Variants in LARP1B observed in about 807,000 individuals in gnomAD.
LARP1B encodes the protein La ribonucleoprotein 1B.
In LARP1B, 76 loss-of-function variants were observed where a neutral mutation model predicts 114.2. The observed-to-expected ratio is 0.67, with a 90% CI of 0.55 to 0.81. The LOEUF (loss-of-function observed/expected upper bound fraction) is 0.81. LARP1B is among the 30% of genes least tolerant of loss of function. The pLI is 0.00. For missense variants in LARP1B, 1,014 were observed against 1,075.8 expected, an observed-to-expected ratio of 0.94 and a Z score of 0.80; for synonymous variants, 345 against 348.0, an observed-to-expected ratio of 0.99 and a Z score of 0.10.
chr4:128,195,663 A>G lies in LARP1B; in HGVS notation c.2004-3776A>G, dbSNP rs182722022. 3.3e-4 allele frequency among the ~76,000 whole-genome samples: 50 copies of G among 152,316 alleles called. No individual in the cohort carries two copies. The East Asian group carries it at 5.4e-3, about 16-fold the overall frequency. ...ACATGAATGAAACTACTGATTCCAT[A>G]TAGAGACAGGGAAGTTTATAGCTGT... is the stretch of plus-strand genomic sequence containing the variant. On this transcript the variant is annotated intron_variant, in intron 15 of 19. Transcript: ENST00000326639.
intron 1 of LARP1B, among the ~76,000 whole-genome samples, chr4:128,072,297 G>A (rs539094621): frequency 3.2e-4 from 48 of 152,130 alleles, no homozygotes; most frequent in African/African-American, 1.1e-3. Flanking sequence ...CACTGTGCCC[G>A]GCCTAAGAGT....
intron 10 of LARP1B, among the ~76,000 whole-genome samples, chr4:128,116,175 A>G (rs1177766734): frequency 6.6e-6 from 1 of 152,192 alleles, no homozygotes; most frequent in Admixed American, 6.5e-5. Flanking sequence ...ACTGCTCTGC[A>G]TTTTTCACTG....
At chr4:128,157,734 T>C (rs981756297) in intron 11 of LARP1B, among the ~76,000 whole-genome samples, 2 of 152,180 alleles carry the variant, frequency 1.3e-5, no homozygotes, top group African/African-American at 4.8e-5. Flanking sequence ...AAGTGAATTG[T>C]ACGCTTAAAT....
At position 128,085,662 on chromosome 4, in the gene LARP1B, TTA is replaced by T. The variant is rs1773197966; in HGVS notation, c.358+3358_358+3359del. Among the ~76,000 whole-genome samples the T allele has an allele frequency of 1.7e-4, 26 of 152,284 alleles. 1 individual carries two copies. In the South Asian group the frequency reaches 4.8e-3, roughly 28 times the overall value. On this transcript the variant is annotated intron_variant, in intron 5 of 19. Coordinates refer to ENST00000326639, the MANE Select transcript of LARP1B (RefSeq NM_018078.4). ...GGATTACAAGCATGAGCCACCGCAC[TTA>T]GCTTCTCCCTCTTTATTGCCAAATA...
rs145079736 is a variant in LARP1B at position 128,102,437 on chromosome 4, C to T, written c.813+4107C>T. ...ATTGTTAGTCTTAAACGATGTCGTT[C>T]TGTTGATAACTCCTTTATCTTCATG... On this transcript the variant is annotated intron_variant, in intron 8 of 19. Transcript: ENST00000326639. Among the ~76,000 whole-genome samples the T allele has an allele frequency of 5.9e-5, 9 of 152,326 alleles. No individual in the cohort carries two copies. The East Asian group carries it at 1.7e-3, about 29-fold the overall frequency.
chr4:128,142,453 G>T (rs553950027), intron 11 of LARP1B, among the ~76,000 whole-genome samples: 1 of 152,066 alleles, frequency 6.6e-6, no homozygotes, highest in South Asian at 2.1e-4. Context: ...ACAGTCTGTG[G>T]AGTTCTTCCA....
intron 15 of LARP1B, among the ~76,000 whole-genome samples, chr4:128,184,467 G>T (rs1908451): frequency 0.56 from 85,703 of 151,944 alleles, 25,492 homozygotes; most frequent in Middle Eastern, 0.79. Context: ...TATTTTGGGG[G>T]TGCATGTGAT....
downstream of LARP1B, among the ~76,000 whole-genome samples, chr4:128,213,954 C>T (rs1046398223): frequency 6.9e-4 from 105 of 151,510 alleles, no homozygotes; most frequent in African/African-American, 2.5e-3. Flanking sequence ...GTGCACCGTG[C>T]GCGAGCCGAA....
chr4:128,153,690 C>A (rs955511320), intron 11 of LARP1B, among the ~76,000 whole-genome samples: 1 of 152,144 alleles, frequency 6.6e-6, no homozygotes, highest in Non-Finnish European at 1.5e-5. Flanking sequence ...AAATGATAGA[C>A]TCTATTCTTA....
chr4:128,187,840 T>G (rs1750864785), intron 15 of LARP1B, among the ~76,000 whole-genome samples: 1 of 152,178 alleles, frequency 6.6e-6, no homozygotes, highest in African/African-American at 2.4e-5. Flanking sequence ...CCATCTGCCT[T>G]GGAGTTGTCA....
intron 15 of LARP1B, among the ~76,000 whole-genome samples, chr4:128,191,689 G>T (rs1396800956): frequency 6.6e-6 from 1 of 152,094 alleles, no homozygotes; most frequent in Non-Finnish European, 1.5e-5. Context: ...CTGAAATAAA[G>T]AGGAGAATTT....
chr4:128,193,493 G>C (rs1235312398), intron 15 of LARP1B, among the ~76,000 whole-genome samples: 1 of 151,894 alleles, frequency 6.6e-6, no homozygotes, highest in Non-Finnish European at 1.5e-5. Context: ...TTTTTGCCCT[G>C]TTTTCTTTTT....
intron 15 of LARP1B, among the ~76,000 whole-genome samples, chr4:128,194,642 C>T (rs1753452921): frequency 7.0e-6 from 1 of 143,310 alleles, no homozygotes; most frequent in Non-Finnish European, 1.5e-5. Context: ...AAGATCTCGC[C>T]ACTGCACTCC....
intron 3 of LARP1B, among the ~76,000 whole-genome samples, 166 bp downstream of exon 3, chr4:128,075,159 T>A (rs1767315018): frequency 6.6e-6 from 1 of 152,124 alleles, no homozygotes; most frequent in Non-Finnish European, 1.5e-5. Flanking sequence ...TGGAGTGCAG[T>A]GGTGTGATCA....
intron 5 of LARP1B, among the ~76,000 whole-genome samples, chr4:128,083,969 C>T (rs1215618215): frequency 6.6e-6 from 1 of 151,716 alleles, no homozygotes; most frequent in Non-Finnish European, 1.5e-5. Flanking sequence ...GGCGGAGGGT[C>T]TCCTCACTTC....
At chr4:128,209,265 G>A (rs2150961734) in intron 19 of LARP1B, among the ~76,000 whole-genome samples, 1 of 151,976 alleles carries the variant, frequency 6.6e-6, no homozygotes, top group African/African-American at 2.4e-5. Flanking sequence ...CTAAAAATAC[G>A]AAAAAATTAA....
At chr4:128,203,247 A>T (rs964220798) in intron 17 of LARP1B, among the ~76,000 whole-genome samples, 5 of 152,094 alleles carry the variant, frequency 3.3e-5, no homozygotes, top group African/African-American at 9.7e-5. Context: ...TATTGTGAAG[A>T]TTACACAAAG....
intron 16 of LARP1B, 70 bp downstream of exon 16, chr4:128,199,669 T>G: frequency 1.4e-6 from 1 of 721,826 alleles, no homozygotes; most frequent in Non-Finnish European, 2.0e-6. Context: ...ATTTAAATGT[T>G]GTCATTTAAT....
Position 128,061,587 on chromosome 4 carries a change from G to A in LARP1B, c.-78+186G>A. 6.5e-6 allele frequency: 5 copies of A among 774,912 alleles called. No individual in the cohort carries two copies. In the South Asian group the frequency reaches 2.9e-4, roughly 45 times the overall value. 48.0% of individuals were successfully genotyped at this position (774,912 alleles called of 1,614,324 possible). A position where few individuals can be genotyped will look rare whatever the true frequency, so the allele number is the denominator to read the frequency against. On this transcript the variant is annotated intron_variant, in intron 1 of 19. Coordinates refer to ENST00000326639, the MANE Select transcript of LARP1B (RefSeq NM_018078.4). ...GCGGCCACGGCCGCCGGGCTCTCGG[G>A]TTGTCTGTCCCCAGTTGGAGCCGGC...
Sources: allele counts gnomAD v4.1 joint callset (sites outside exome capture counted in the v4.1 genomes callset), GRCh38; gene constraint gnomAD v4.1.1; transcripts MANE v1.5; gene names NCBI Gene and HGNC (gene_info 2026-07-23, HGNC 2026-07-21).